The following SYNPR variants were observed in gnomAD, a reference collection of about 807,000 sequenced individuals.
SYNPR encodes synaptoporin.
A neutral mutation model predicts 32.9 loss-of-function variants in SYNPR; 23 were observed. The ratio of observed to expected loss-of-function variants is 0.70; its 90% CI spans 0.50 to 0.99. SYNPR has a LOEUF of 0.99. Ranked by LOEUF, SYNPR falls within the 50% of genes least tolerant of loss-of-function variation. The probability of loss-of-function intolerance (pLI) is 0.00; values close to 1 mark genes in which losing one functional copy is unlikely to be tolerated. For missense variants in SYNPR, 318 were observed against 349.3 expected (o/e 0.91, Z 0.71); for synonymous variants, 146 against 135.9 (o/e 1.07, Z -0.52).
At chr3:63,280,399 T>C (rs1575584585) in intron 2 of SYNPR, among the ~76,000 whole-genome samples, 2 of 152,252 alleles carry the variant, frequency 1.3e-5, no homozygotes, top group East Asian at 3.9e-4. Flanking sequence ...ATGTTATAAT[T>C]GGAGAACCAC....
At chr3:63,260,871 A>C (rs1403539979) in intron 2 of SYNPR, among the ~76,000 whole-genome samples, 1 of 138,614 alleles carries the variant, frequency 7.2e-6, no homozygotes, top group Non-Finnish European at 1.6e-5. Flanking sequence ...AAACAAATTT[A>C]CAAGAAAAAA....
chr3:63,451,996 C>G, intron 2 of SYNPR: 1 of 674,344 alleles, frequency 1.5e-6, no homozygotes, highest in South Asian at 1.6e-5. Flanking sequence ...TTGGAAGACA[C>G]CCTCCTTTCT....
chr3:63,595,893 T>TA (rs1699949643), intron 4 of SYNPR, among the ~76,000 whole-genome samples: 1 of 75,616 alleles, frequency 1.3e-5, no homozygotes, highest in Non-Finnish European at 2.8e-5. Context: ...ATATATAGTT[T>TA]TATATATATA....
At chr3:63,398,769 A>AACAGATAAC (rs1221341770) in intron 2 of SYNPR, among the ~76,000 whole-genome samples, 2 of 152,214 alleles carry the variant, frequency 1.3e-5, no homozygotes, top group Non-Finnish European at 2.9e-5. Flanking sequence ...TTCAGAAGAT[A>AACAGATAAC]ACAGATAACA....
At chr3:63,503,992 A>G (rs556294537) in intron 3 of SYNPR, among the ~76,000 whole-genome samples, 122 of 152,134 alleles carry the variant, frequency 8.0e-4, no homozygotes, top group Non-Finnish European at 1.5e-3. Context: ...ATTCCATATT[A>G]ATTTGTGAAT....
intron 2 of SYNPR, among the ~76,000 whole-genome samples, chr3:63,367,342 ATTAT>A (rs3081092): frequency 0.036 from 5,191 of 143,650 alleles, 117 homozygotes; most frequent in African/African-American, 0.064. Context: ...TCACTGTTGA[ATTAT>A]TTATTTATTT....
At chr3:63,366,976 A>G (rs1294044087) in intron 2 of SYNPR, among the ~76,000 whole-genome samples, 2 of 152,230 alleles carry the variant, frequency 1.3e-5, no homozygotes, top group Non-Finnish European at 2.9e-5. Context: ...AGTGTGTGCC[A>G]GTATCCTTCA....
chr3:63,435,168 G>A (rs2107150672), intron 2 of SYNPR, among the ~76,000 whole-genome samples: 1 of 152,278 alleles, frequency 6.6e-6, no homozygotes, highest in East Asian at 1.9e-4. Context: ...TTATAACCTG[G>A]GCTTTGGAAA....
chr3:63,501,494 C>CAAAAAAAAAAAAAAAA (rs377290258), intron 3 of SYNPR, among the ~76,000 whole-genome samples: 1 of 96,738 alleles, frequency 1.0e-5, no homozygotes, highest in Non-Finnish European at 2.1e-5. Context: ...CTCCCCCAAC[C>CAAAAAAAAAAAAAAAA]AAAAAAAAAA....
chr3:63,529,469 A>C (rs1702073066), intron 3 of SYNPR, among the ~76,000 whole-genome samples: 1 of 152,118 alleles, frequency 6.6e-6, no homozygotes, highest in African/African-American at 2.4e-5. Context: ...GAGTGTACTA[A>C]AATGTTTGTT....
chr3:63,550,391 T>TTG (rs532958394), intron 3 of SYNPR, among the ~76,000 whole-genome samples: 25 of 150,654 alleles, frequency 1.7e-4, no homozygotes, highest in South Asian at 8.4e-4. Flanking sequence ...ACACGTGTGT[T>TTG]TGTGTGTGTG....
intron 1 of SYNPR, among the ~76,000 whole-genome samples, chr3:63,250,721 GCA>G (rs1466465203): frequency 6.6e-6 from 1 of 152,132 alleles, no homozygotes; most frequent in African/African-American, 2.4e-5. Context: ...GACCAAGACT[GCA>G]CAGTCAGAAA....
At chr3:63,535,806 T>C (rs1702194669) in intron 3 of SYNPR, among the ~76,000 whole-genome samples, 1 of 151,628 alleles carries the variant, frequency 6.6e-6, no homozygotes, top group Non-Finnish European at 1.5e-5. Flanking sequence ...ACATAGACCA[T>C]GTAAGAGCTA....
At chr3:63,399,556 G>T (rs1429405957) in intron 2 of SYNPR, among the ~76,000 whole-genome samples, 1 of 151,970 alleles carries the variant, frequency 6.6e-6, no homozygotes, top group Non-Finnish European at 1.5e-5. Context: ...GGGAGCTTGG[G>T]GCCTCTTGTA....
chr3:63,241,856 A>C (rs1040105499), intron 1 of SYNPR, among the ~76,000 whole-genome samples: 1 of 152,060 alleles, frequency 6.6e-6, no homozygotes. Context: ...GAGAATCAAT[A>C]ATCTGATGGA....
chr3:63,420,258 C>T (rs988825125), intron 2 of SYNPR, among the ~76,000 whole-genome samples: 7 of 151,666 alleles, frequency 4.6e-5, no homozygotes, highest in African/African-American at 9.7e-5. Context: ...CAGGAAAGGC[C>T]GAGATAATTC....
chr3:63,455,858 G>T, intron 2 of SYNPR, among the ~76,000 whole-genome samples: 1 of 151,208 alleles, frequency 6.6e-6, no homozygotes, highest in East Asian at 2.0e-4. Flanking sequence ...TTCCAAAGCA[G>T]ACCTCCAATA....
intron 2 of SYNPR, among the ~76,000 whole-genome samples, chr3:63,288,007 C>T (rs1340197528): frequency 6.6e-6 from 1 of 152,214 alleles, no homozygotes; most frequent in African/African-American, 2.4e-5. Flanking sequence ...TGTCACTGTC[C>T]TGCCTGCCCT....
intron 2 of SYNPR, among the ~76,000 whole-genome samples, chr3:63,361,156 A>G (rs2087654254): frequency 1.3e-5 from 2 of 152,328 alleles, no homozygotes; most frequent in African/African-American, 4.8e-5. Context: ...AAGAGTCTCA[A>G]TGGCCTATGC....
Sources: allele counts gnomAD v4.1 joint callset (sites outside exome capture counted in the v4.1 genomes callset), GRCh38; gene constraint gnomAD v4.1.1; transcripts MANE v1.5; gene names NCBI Gene and HGNC (gene_info 2026-07-23, HGNC 2026-07-21).